The following NRCAM variants were observed in gnomAD, a reference collection of about 807,000 sequenced individuals.
NRCAM encodes the protein NgCAM-related cell adhesion molecule.
A neutral mutation model predicts 156.5 loss-of-function variants in NRCAM; 83 were observed. The ratio of observed to expected loss-of-function variants is 0.53; its 90% CI spans 0.44 to 0.64. NRCAM has a LOEUF of 0.64. Among genes scored for constraint, NRCAM ranks in the 30% least tolerant of loss-of-function variants. The probability of loss-of-function intolerance (pLI) is 0.00; values close to 1 mark genes in which losing one functional copy is unlikely to be tolerated. For synonymous variants in NRCAM, 538 were observed against 563.9 expected (o/e 0.95, Z 0.65); for missense variants, 1,417 against 1,597.3 (o/e 0.89, Z 1.92).
At chr7:108,177,184 A>AT (rs1319454239) in intron 26 of NRCAM, among the ~76,000 whole-genome samples, 2 of 152,204 alleles carry the variant, frequency 1.3e-5, no homozygotes, top group African/African-American at 4.8e-5. Flanking sequence ...ACTAGCTTGT[A>AT]TTTTTTGATA....
At chr7:108,233,641 C>T (rs1319677769) in intron 6 of NRCAM, among the ~76,000 whole-genome samples, 3 of 152,136 alleles carry the variant, frequency 2.0e-5, no homozygotes, top group Non-Finnish European at 2.9e-5. Context: ...TATTTTGAGG[C>T]AAACCTTTGC....
rs1032482832 is a variant in NRCAM at position 108,180,231 on chromosome 7, G to A, written c.2843C>T (p.Pro948Leu). 4 of 1,613,754 alleles carry A rather than the reference G, an allele frequency of 2.5e-6. No homozygotes were observed. Among genetic ancestry groups the A allele is most frequent in the Non-Finnish European group, 3.4e-6 (4 of 1,179,862 alleles). The change falls in exon 25 of 33, where the codon CCA (proline) becomes CTA (leucine). Residue 948 changes from proline to leucine, a missense_variant. By Grantham distance (98) the Pro-to-Leu change is moderately conservative. Coordinates refer to ENST00000379028, the MANE Select transcript of NRCAM (RefSeq NM_001037132.4). ...ACACGTCCATTCCATACCTCCTTCT[G>A]GAGTATTAAAGACTCTGTCAGGGCT... ...PASPDRVFNT[P>L]EGVPSAPSSL...
intron 2 of NRCAM, among the ~76,000 whole-genome samples, chr7:108,343,743 G>A (rs2099320485): frequency 6.6e-6 from 1 of 152,254 alleles, no homozygotes; most frequent in Middle Eastern, 3.4e-3. Flanking sequence ...CCCATTAGAT[G>A]ACCAAATCAT....
At chr7:108,388,689 T>G (rs1221433887) in intron 2 of NRCAM, among the ~76,000 whole-genome samples, 4 of 152,252 alleles carry the variant, frequency 2.6e-5, no homozygotes, top group East Asian at 3.8e-4. Context: ...TTTTATGGTT[T>G]TAGGTCTAAC....
intron 11 of NRCAM, among the ~76,000 whole-genome samples, chr7:108,220,089 AC>A (rs2091610107): frequency 6.7e-6 from 1 of 149,680 alleles, no homozygotes; most frequent in African/African-American, 2.4e-5. Context: ...CAAGAACTCA[AC>A]CCCCTTTATA....
chr7:108,184,326 G>A lies in NRCAM; in HGVS notation c.2234-15C>T, dbSNP rs1400942713. 6.2e-7 allele frequency: 1 copy of A among 1,613,918 alleles called. No individual in the cohort carries two copies. Among genetic ancestry groups the A allele is most frequent in the Non-Finnish European group, 8.5e-7 (1 of 1,179,818 alleles). On this transcript the variant is annotated splice_polypyrimidine_tract_variant and intron_variant, in intron 21 of 32. Transcript: ENST00000379028. ...TTTATCTGGTTCTGGAAGTTAAGCA[G>A]CCACACATGTGTAAGCTTTGGCCTT... is the stretch of plus-strand genomic sequence containing the variant.
chr7:108,283,098 GAACA>G (rs1014854093), intron 3 of NRCAM, among the ~76,000 whole-genome samples: 4 of 152,128 alleles, frequency 2.6e-5, no homozygotes, highest in African/African-American at 9.7e-5. Flanking sequence ...CTAAGAAAAT[GAACA>G]AACAATGTAA....
intron 1 of NRCAM, among the ~76,000 whole-genome samples, chr7:108,434,541 TACACACACACACACACAC>T (rs141756969): frequency 1.4e-5 from 2 of 141,238 alleles, no homozygotes; most frequent in Admixed American, 1.4e-4. Flanking sequence ...CAATGGAATG[TACACACACACACACACAC>T]ACACACACAC....
chr7:108,205,961 G>A (rs2080938602), intron 13 of NRCAM, among the ~76,000 whole-genome samples: 1 of 152,146 alleles, frequency 6.6e-6, no homozygotes, highest in African/African-American at 2.4e-5. Flanking sequence ...AGTAGCAAGA[G>A]CTTCCTGAAA....
At chr7:108,282,273 T>C (rs1184969760) in intron 3 of NRCAM, among the ~76,000 whole-genome samples, 1 of 152,244 alleles carries the variant, frequency 6.6e-6, no homozygotes, top group Non-Finnish European at 1.5e-5. Context: ...GTTGGAGCAC[T>C]TTACTAATGT....
chr7:108,314,800 T>A (rs940152936), intron 2 of NRCAM, among the ~76,000 whole-genome samples: 1 of 152,138 alleles, frequency 6.6e-6, no homozygotes, highest in Non-Finnish European at 1.5e-5. Context: ...CAACTGAAAA[T>A]CTGCTATTAC....
chr7:108,230,526 T>C (rs982437656), intron 8 of NRCAM, among the ~76,000 whole-genome samples: 4 of 152,134 alleles, frequency 2.6e-5, no homozygotes, highest in Non-Finnish European at 5.9e-5. Flanking sequence ...CCTGTGACCT[T>C]TCTCACCTTC....
intron 2 of NRCAM, among the ~76,000 whole-genome samples, chr7:108,397,764 T>C (rs929551052): frequency 6.6e-5 from 10 of 152,224 alleles, no homozygotes; most frequent in African/African-American, 2.4e-4. Flanking sequence ...AAATGGAGAA[T>C]AGCACTGGCT....
chr7:108,285,056 G>T (rs1253204980), intron 3 of NRCAM, among the ~76,000 whole-genome samples: 1 of 152,222 alleles, frequency 6.6e-6, no homozygotes, highest in Non-Finnish European at 1.5e-5. Context: ...GAAAAGTCAG[G>T]AGCACCAATG....
chr7:108,345,346 G>T (rs1261729878), intron 2 of NRCAM, among the ~76,000 whole-genome samples: 1 of 152,134 alleles, frequency 6.6e-6, no homozygotes, highest in African/African-American at 2.4e-5. Context: ...AATCCCATGG[G>T]AAGTGTTTTG....
At chr7:108,239,884 C>T (rs1589591525) in intron 4 of NRCAM, 75 bp downstream of exon 4, 7 of 880,570 alleles carry the variant, frequency 7.9e-6, no homozygotes, top group Admixed American at 2.2e-5. Flanking sequence ...TCTCCATTCA[C>T]GCAGTTCAGA....
Position 108,231,060 on chromosome 7 carries a change from G to A in NRCAM, c.521C>T (p.Pro174Leu). 6.2e-7 allele frequency: 1 copy of A among 1,606,690 alleles called. No homozygotes were observed. Among genetic ancestry groups the A allele is most frequent in the South Asian group, 1.1e-5 (1 of 90,508 alleles). ...ATCCATCCAAAATATTATAGGTGGTGGTAATCCAATTGGGGGTCTGCAGGG... is the reference window on the plus strand; with the variant it reads ...ATCCATCCAAAATATTATAGGTGGTAGTAATCCAATTGGGGGTCTGCAGGG... ...VLPCRPPIGL[P>L]PPIIFWMDNS... The change falls in exon 8 of 33, where the codon CCA (proline) becomes CTA (leucine). Residue 174 changes from proline to leucine, a missense_variant. Transcript: ENST00000379028.
chr7:108,248,213 C>T (rs949034785), intron 3 of NRCAM, among the ~76,000 whole-genome samples: 2 of 152,110 alleles, frequency 1.3e-5, no homozygotes, highest in African/African-American at 4.8e-5. Context: ...ACATGCTATA[C>T]CTTATCCACT....
chr7:108,371,206 GCTAAGCC>G (rs373019276), intron 2 of NRCAM, among the ~76,000 whole-genome samples: 148 of 152,278 alleles, frequency 9.7e-4, no homozygotes, highest in African/African-American at 3.4e-3. Context: ...GATATTAAAG[GCTAAGCC>G]TATTGGTCAT....
Sources: allele counts gnomAD v4.1 joint callset (sites outside exome capture counted in the v4.1 genomes callset), GRCh38; gene constraint gnomAD v4.1.1; transcripts MANE v1.5; gene names NCBI Gene and HGNC (gene_info 2026-07-23, HGNC 2026-07-21).